The following NELFCD variants were observed in gnomAD, a reference collection of about 807,000 sequenced individuals.
NELFCD encodes negative elongation factor complex member C/D.
Under a neutral mutation model 72.9 loss-of-function variants are expected in NELFCD, and 48 were observed. The ratio of observed to expected loss-of-function variants is 0.66; its 90% CI spans 0.52 to 0.84. The LOEUF is 0.84. NELFCD is among the 40% of genes least tolerant of loss of function. The pLI, the probability that NELFCD is intolerant of heterozygous loss-of-function variation, is 0.00. For missense variants in NELFCD, 538 were observed against 723.8 expected (o/e 0.74, Z 2.94); for synonymous variants, 297 against 280.6 (o/e 1.06, Z -0.59).
At chr20:58,985,350 GGT>G (rs1352415522) in intron 1 of NELFCD, among the ~76,000 whole-genome samples, 1 of 152,150 alleles carries the variant, frequency 6.6e-6, no homozygotes, top group Non-Finnish European at 1.5e-5. Context: ...CATTTTCTTA[GGT>G]TCCTTGGTTG....
At chr20:58,987,200 A>T in intron 3 of NELFCD, 1 of 287,390 alleles carries the variant, frequency 3.5e-6, no homozygotes, top group South Asian at 5.3e-5. Context: ...GCAGTAAATG[A>T]CGGATAATTT....
intron 3 of NELFCD, 195 bp from the exon 4 acceptor site, chr20:58,987,513 G>T: frequency 1.7e-6 from 1 of 579,102 alleles, no homozygotes. Flanking sequence ...CCAGACTTGT[G>T]TGTTCTGTTC....
At chr20:58,991,112 T>A in intron 8 of NELFCD, 37 bp downstream of exon 8, 1 of 1,602,778 alleles carries the variant, frequency 6.2e-7, no homozygotes, top group Non-Finnish European at 8.5e-7. Flanking sequence ...TGTCAGCTGG[T>A]AAGGTGACTT....
chr20:58,991,089 C>G lies in NELFCD; in HGVS notation c.954+14C>G, dbSNP rs769860688. The stretch of plus-strand genomic sequence containing the variant: ...CCGGTTGAACTTGTAAGTTGCTTCT[C>G]AAGAATCCCCAATGTCAGCTGGTAA... On this transcript the variant is annotated intron_variant, in intron 8 of 14. Coordinates refer to ENST00000652272, the MANE Select transcript of NELFCD (RefSeq NM_198976.4). 6.2e-7 allele frequency: 1 copy of G among 1,610,468 alleles called. No homozygotes were observed. Among genetic ancestry groups the G allele is most frequent in the South Asian group, 1.1e-5 (1 of 90,868 alleles).
At position 58,993,461 on chromosome 20, in the gene NELFCD, C is replaced by T. The variant is rs2091832296; in HGVS notation, c.1357C>T (p.His453Tyr). Residue 453 changes from histidine to tyrosine, a missense_variant, in exon 12 of 15, where the codon CAC (histidine) becomes TAC (tyrosine). Transcript: ENST00000652272. The surrounding 1 kb of genome is among the most constrained non-coding windows in gnomAD (Gnocchi z 5.0). ...LALLDEISTC[H>Y]QLLHPQVLQL... ...GGCCTGTTTGTAGATCAGCACCTGC[C>T]ACCAGCTCCTGCACCCCCAGGTCCT... is the stretch of plus-strand genomic sequence containing the variant. 2.5e-6 allele frequency: 4 copies of T among 1,613,758 alleles called. No homozygotes were observed. Among genetic ancestry groups the T allele is most frequent in the Non-Finnish European group, 3.4e-6 (4 of 1,180,004 alleles).
intron 7 of NELFCD, chr20:58,990,394 C>CT (rs1053204576): frequency 1.2e-5 from 2 of 161,424 alleles, no homozygotes; most frequent in African/African-American, 2.5e-5. Context: ...GAGCAAAACT[C>CT]TGTCTCAAAA....
In NELFCD at chr20:58,994,103, C is replaced by G. The variant is rs752387865; in HGVS notation, c.1582-7C>G. ...CGGAAGAAGTCACCCTGTGCTCCCCCACGCAGGTGCTGGACGTCATTGCTC... is the reference window on the plus strand; with the variant it reads ...CGGAAGAAGTCACCCTGTGCTCCCCGACGCAGGTGCTGGACGTCATTGCTC... On this transcript the variant is annotated splice_region_variant and splice_polypyrimidine_tract_variant and intron_variant, in intron 13 of 14. Transcript: ENST00000652272. 1.5e-5 allele frequency: 25 copies of G among 1,613,902 alleles called. No homozygotes were observed. Among genetic ancestry groups the G allele is most frequent in the Admixed American group, 6.7e-5 (4 of 60,004 alleles).
chr20:58,987,663 G>A, intron 3 of NELFCD, 45 bp from the exon 4 acceptor site: 4 of 1,504,668 alleles, frequency 2.7e-6, no homozygotes, highest in Non-Finnish European at 3.7e-6. Context: ...GCCACACAGT[G>A]AATGGACAGC....
Position 58,993,276 on chromosome 20 carries a change from G to A in NELFCD, c.1344+164G>A, listed in dbSNP as rs2091830702. ...TCTTAAGGACCTAGCTTCATTGACTGCAGAAATTTCTTAACCTCAGTCAAG... is the reference window on the plus strand; with the variant it reads ...TCTTAAGGACCTAGCTTCATTGACTACAGAAATTTCTTAACCTCAGTCAAG... On this transcript the variant is annotated intron_variant, in intron 11 of 14. Coordinates refer to ENST00000652272, the MANE Select transcript of NELFCD (RefSeq NM_198976.4). This position sits in a 1 kb window ranked among gnomAD's most constrained non-coding sequence, Gnocchi z 5.0. 3.7e-6 allele frequency: 3 copies of A among 819,506 alleles called. No individual in the cohort carries two copies. The highest frequency in any genetic ancestry group is 2.7e-5 in the East Asian group (1 of 37,446). The allele number at this position is 819,506 out of a possible 1,614,324, so 50.8% of individuals were successfully genotyped here. A position where few individuals can be genotyped will look rare whatever the true frequency, so the allele number is the denominator to read the frequency against.
At chr20:58,992,848 C>CAAAAA (rs371549496) in intron 10 of NELFCD, 150 bp from the exon 11 acceptor site, 252 of 417,938 alleles carry the variant, frequency 6.0e-4, no homozygotes, top group Admixed American at 1.6e-3. Flanking sequence ...GACCCTGTCT[C>CAAAAA]AAAAAAAAAA....
In NELFCD at chr20:58,989,576, C is replaced by T. The variant is rs1443361903; in HGVS notation, c.593C>T (p.Thr198Ile). 1 of 1,614,046 alleles carries T rather than the reference C, an allele frequency of 6.2e-7. No individual in the cohort carries two copies. Among genetic ancestry groups the T allele is most frequent in the Non-Finnish European group, 8.5e-7 (1 of 1,180,010 alleles). Residue 198 changes from threonine (T) to isoleucine (I), a missense_variant, in exon 6 of 15, where the codon ACC (threonine) becomes ATC (isoleucine). Physicochemically the swap from Thr to Ile is moderately conservative, Grantham distance 89 (BLOSUM62 -1). Around this residue, in one of 3 missense-constraint regions of NELFCD, gnomAD observed 355 missense variants for 534.5 expected, o/e 0.66. Coordinates refer to ENST00000652272, the MANE Select transcript of NELFCD (RefSeq NM_198976.4). ...QLEVFSRVLR[T>I]SLATILDGGE... is the part of the protein sequence containing the mutation. ...GAAGTGTTCTCGAGAGTGCTCCGGACCTCTCTAGCTACAATTTTAGATGGA... is the reference window on the plus strand; with the variant it reads ...GAAGTGTTCTCGAGAGTGCTCCGGATCTCTCTAGCTACAATTTTAGATGGA...
Position 58,992,115 on chromosome 20 carries a change from G to A in NELFCD, c.1229+95G>A, listed in dbSNP as rs1010363723. On this transcript the variant is annotated intron_variant, in intron 10 of 14. Transcript: ENST00000652272. ...AAGCTCAAATAACAAAAGCTTCAGCGATACTTGTTCATTTTATTTATTTTT... is the reference window on the plus strand; with the variant it reads ...AAGCTCAAATAACAAAAGCTTCAGCAATACTTGTTCATTTTATTTATTTTT... 1.4e-5 allele frequency: 18 copies of A among 1,273,932 alleles called. No homozygotes were observed. The Admixed American group carries it at 3.5e-4, about 25-fold the overall frequency. 78.9% of individuals were successfully genotyped at this position (1,273,932 alleles called of 1,614,324 possible).
At position 58,991,485 on chromosome 20, in the gene NELFCD, A is replaced by G. The variant is rs764992308; in HGVS notation, c.1089+39A>G. 28 of 1,611,922 alleles carry G rather than the reference A, an allele frequency of 1.7e-5. No individual in the cohort carries two copies. In the Admixed American group the frequency reaches 2.8e-4, roughly 16 times the overall value. ...TGGGAATTTGTGGATTTTTTAGGAGACAAATATCCTCCTCTGCTTTGATAT... is the reference window on the plus strand; with the variant it reads ...TGGGAATTTGTGGATTTTTTAGGAGGCAAATATCCTCCTCTGCTTTGATAT... On this transcript the variant is annotated intron_variant, in intron 9 of 14. Coordinates refer to ENST00000652272, the MANE Select transcript of NELFCD (RefSeq NM_198976.4).
Position 58,986,998 on chromosome 20 carries a change from C to CTTCTTACTCATTTTTATCTT in NELFCD, c.286+137_286+156dup. 1.7e-6 allele frequency: 1 copy of CTTCTTACTCATTTTTATCTT among 577,360 alleles called. No homozygotes were observed. Among genetic ancestry groups the CTTCTTACTCATTTTTATCTT allele is most frequent in the East Asian group, 3.2e-5 (1 of 31,466 alleles). 35.8% of individuals were successfully genotyped at this position (577,360 alleles called of 1,614,324 possible). ...GAGACTTGTGTAAGAAAGAGCTGAACTTCTTACTCATTTTTATCTTTATCT... is the reference window on the plus strand; with the variant it reads ...GAGACTTGTGTAAGAAAGAGCTGAACTTCTTACTCATTTTTATCTTTTCTTACTCATTTTTATCTTTATCT... On this transcript the variant is annotated intron_variant, in intron 3 of 14. Transcript: ENST00000652272. This position sits in a 1 kb window ranked among gnomAD's most constrained non-coding sequence, Gnocchi z 4.4.
chr20:58,981,876 T>A (rs532214756), intron 1 of NELFCD, among the ~76,000 whole-genome samples: 13 of 152,362 alleles, frequency 8.5e-5, no homozygotes, highest in African/African-American at 2.9e-4. Flanking sequence ...CACCTTGGGC[T>A]GATTTCATCT....
chr20:58,981,590 C>G (rs2091733192), intron 1 of NELFCD, among the ~76,000 whole-genome samples: 1 of 150,104 alleles, frequency 6.7e-6, no homozygotes, highest in Non-Finnish European at 1.5e-5. Flanking sequence ...CGCCTCCTCG[C>G]CTGCAGGACC....
At chr20:58,992,074 T>C in intron 10 of NELFCD, 54 bp downstream of exon 10, 1 of 1,514,476 alleles carries the variant, frequency 6.6e-7, no homozygotes, top group Non-Finnish European at 8.9e-7. Context: ...GGAGGTCGTT[T>C]GAGTTTTCAT....
rs779952958 is a variant in NELFCD at position 58,994,700 on chromosome 20, A to G, written c.*24A>G. The stretch of plus-strand genomic sequence containing the variant: ...AATTTAGAGCATCCTCCAGAGCTGA[A>G]GCAGAACATTCCAGAACCCGTTGTG... On this transcript the variant is annotated 3_prime_UTR_variant, in exon 15 of 15. Coordinates refer to ENST00000652272, the MANE Select transcript of NELFCD (RefSeq NM_198976.4). The G allele has an allele frequency of 6.3e-7, 1 of 1,599,218 alleles. No individual in the cohort carries two copies. Among genetic ancestry groups the G allele is most frequent in the Non-Finnish European group, 8.6e-7 (1 of 1,167,620 alleles).
chr20:58,987,533 T>C, intron 3 of NELFCD, 175 bp from the exon 4 acceptor site: 1 of 604,890 alleles, frequency 1.7e-6, no homozygotes, highest in Non-Finnish European at 2.9e-6. Context: ...CTGTGCTGCT[T>C]TTTGGTCTTA....
Sources: gnomAD v4.1 joint callset for allele counts (sites outside exome capture counted in the v4.1 genomes callset) on GRCh38, gnomAD v4.1.1 for gene constraint, gnomAD v4.1.1 regional missense constraint, Gnocchi (gnomAD v3.1) non-coding constraint, MANE v1.5 for transcripts, NCBI Gene and HGNC (gene_info 2026-07-23, HGNC 2026-07-21) for gene names.